Variants in LHFPL3 observed in about 807,000 individuals in gnomAD.
LHFPL3 encodes the protein LHFPL tetraspan subfamily member 3, also known as LHFPL tetraspan subfamily member 3 protein.
In LHFPL3, 5 loss-of-function variants were observed where a neutral mutation model predicts 19.3. The observed-to-expected ratio is 0.26, with a 90% CI of 0.14 to 0.54. LHFPL3 has a LOEUF of 0.54. Among genes scored for constraint, LHFPL3 ranks in the 20% least tolerant of loss-of-function variants. LHFPL3 has a pLI of 0.94. For missense variants in LHFPL3, 249 were observed against 307.4 expected (o/e 0.81, Z 1.42); for synonymous variants, 133 against 126.2 (o/e 1.05, Z -0.36).
intron 2 of LHFPL3, among the ~76,000 whole-genome samples, chr7:104,762,356 C>G (rs545644736): frequency 6.6e-6 from 1 of 152,214 alleles, no homozygotes; most frequent in Non-Finnish European, 1.5e-5. Context: ...AATGTCATGA[C>G]CAATGAAAGG....
chr7:104,745,147 A>T (rs1471004022), intron 2 of LHFPL3, among the ~76,000 whole-genome samples: 1 of 152,180 alleles, frequency 6.6e-6, no homozygotes, highest in African/African-American at 2.4e-5. Flanking sequence ...GTTGGCTGAC[A>T]CTTCCCAACT....
chr7:104,510,542 C>T (rs1793789370), intron 1 of LHFPL3, among the ~76,000 whole-genome samples: 1 of 152,094 alleles, frequency 6.6e-6, no homozygotes, highest in Non-Finnish European at 1.5e-5. Flanking sequence ...AAAATTTACT[C>T]AACATGGATT....
At chr7:104,839,112 G>C (rs1791150252) in intron 2 of LHFPL3, among the ~76,000 whole-genome samples, 1 of 152,194 alleles carries the variant, frequency 6.6e-6, no homozygotes, top group African/African-American at 2.4e-5. Context: ...GTGAGACACA[G>C]AACAGTGAGA....
intron 1 of LHFPL3, among the ~76,000 whole-genome samples, chr7:104,392,532 A>T (rs1170272935): frequency 6.6e-6 from 1 of 152,114 alleles, no homozygotes; most frequent in Non-Finnish European, 1.5e-5. Flanking sequence ...CCCAGGGATG[A>T]AGCCCACTTG....
intron 1 of LHFPL3, among the ~76,000 whole-genome samples, chr7:104,536,783 G>C (rs1205852682): frequency 6.6e-6 from 1 of 152,126 alleles, no homozygotes; most frequent in Non-Finnish European, 1.5e-5. Flanking sequence ...AATTAAGCTT[G>C]CATTTCCTTT....
At chr7:104,845,473 G>A (rs558042247) in intron 2 of LHFPL3, 172 of 1,524,800 alleles carry the variant, frequency 1.1e-4, no homozygotes, top group East Asian at 4.5e-4. Context: ...TGTTTTGTGC[G>A]CTTCTGCCTT....
chr7:104,421,142 A>G lies in LHFPL3; in HGVS notation c.445+91918A>G, dbSNP rs1791725803. Among the ~76,000 whole-genome samples, 3 of 152,258 alleles carry G rather than the reference A, an allele frequency of 2.0e-5. No homozygotes were observed. The South Asian group carries it at 6.2e-4, about 32-fold the overall frequency. On this transcript the variant is annotated intron_variant, in intron 1 of 2. Coordinates refer to ENST00000424859, the MANE Select transcript of LHFPL3 (RefSeq NM_199000.3). ...GGAAATACATACTCAATGAAGTAAGATCCTGGAGGTGTTGAGAAAGGATGA... is the reference window on the plus strand; with the variant it reads ...GGAAATACATACTCAATGAAGTAAGGTCCTGGAGGTGTTGAGAAAGGATGA...
intron 2 of LHFPL3, among the ~76,000 whole-genome samples, chr7:104,861,479 T>C (rs1791618128): frequency 6.6e-6 from 1 of 152,184 alleles, no homozygotes; most frequent in Non-Finnish European, 1.5e-5. Context: ...AGCAGCTATT[T>C]CCACAGCTAT....
At chr7:104,717,447 A>C (rs1223448711) in intron 1 of LHFPL3, among the ~76,000 whole-genome samples, 2 of 152,162 alleles carry the variant, frequency 1.3e-5, no homozygotes, top group African/African-American at 4.8e-5. Flanking sequence ...AGGATACCCT[A>C]CTACACAATA....
chr7:104,699,054 G>A (rs1350878406), intron 1 of LHFPL3, among the ~76,000 whole-genome samples: 9 of 152,188 alleles, frequency 5.9e-5, no homozygotes, highest in Non-Finnish European at 4.4e-5. Context: ...GTGTTGGCAA[G>A]GATGTGTAGA....
chr7:104,442,264 A>C (rs983889275), intron 1 of LHFPL3, among the ~76,000 whole-genome samples: 2 of 150,582 alleles, frequency 1.3e-5, no homozygotes, highest in Non-Finnish European at 1.5e-5. Context: ...TTGCTGCTGA[A>C]TTGTAGTGGT....
At chr7:104,543,047 C>CA (rs1794517751) in intron 1 of LHFPL3, among the ~76,000 whole-genome samples, 1 of 152,078 alleles carries the variant, frequency 6.6e-6, no homozygotes, top group South Asian at 2.1e-4. Context: ...CAAACTAACA[C>CA]AGGAACAGAA....
intron 1 of LHFPL3, among the ~76,000 whole-genome samples, chr7:104,731,005 C>G (rs1243543552): frequency 6.6e-6 from 1 of 152,196 alleles, no homozygotes; most frequent in Non-Finnish European, 1.5e-5. Context: ...AATAAGGAAT[C>G]CTTTCCCCAT....
At chr7:104,589,086 A>C (rs1177781645) in intron 1 of LHFPL3, among the ~76,000 whole-genome samples, 1 of 152,060 alleles carries the variant, frequency 6.6e-6, no homozygotes, top group Non-Finnish European at 1.5e-5. Flanking sequence ...CTCTTTTCCT[A>C]ATTGAATACC....
chr7:104,463,400 C>A (rs1473813986), intron 1 of LHFPL3, among the ~76,000 whole-genome samples: 1 of 152,168 alleles, frequency 6.6e-6, no homozygotes, highest in African/African-American at 2.4e-5. Flanking sequence ...CTTAACACTG[C>A]CTTAGCTGTA....
rs1044042046 is a variant in LHFPL3, at chr7:104,364,252, G to A, written c.445+35028G>A. Reference sequence around the variant, plus strand: ...ATAGGCAAAGTTTGATGAAATCACAGTGTGGTGAGGGTGGGGGGACTTGTT... The same window carrying A: ...ATAGGCAAAGTTTGATGAAATCACAATGTGGTGAGGGTGGGGGGACTTGTT... On this transcript the variant is annotated intron_variant, in intron 1 of 2. Transcript: ENST00000424859. Among the ~76,000 whole-genome samples, 3 of 152,338 alleles carry A rather than the reference G, an allele frequency of 2.0e-5. 1 individual carries two copies. The highest frequency in any genetic ancestry group is 7.2e-5 in the African/African-American group (3 of 41,584).
intron 1 of LHFPL3, among the ~76,000 whole-genome samples, chr7:104,667,264 T>TGTAG (rs56664847): frequency 6.8e-6 from 1 of 148,072 alleles, no homozygotes; most frequent in Non-Finnish European, 1.5e-5. Flanking sequence ...TCTGTTTTCT[T>TGTAG]GGGGGGGGGA....
intron 1 of LHFPL3, among the ~76,000 whole-genome samples, chr7:104,501,345 C>A (rs1421499935): frequency 6.6e-6 from 1 of 152,206 alleles, no homozygotes; most frequent in Non-Finnish European, 1.5e-5. Context: ...AGCCTCAAAA[C>A]CAGTCAACTG....
intron 1 of LHFPL3, among the ~76,000 whole-genome samples, chr7:104,398,954 G>C (rs1791253720): frequency 6.6e-6 from 1 of 152,152 alleles, no homozygotes; most frequent in Non-Finnish European, 1.5e-5. Flanking sequence ...GATGGTTGTA[G>C]ATTTGGAGGG....
Sources: allele counts gnomAD v4.1 joint callset (sites outside exome capture counted in the v4.1 genomes callset), GRCh38; gene constraint gnomAD v4.1.1; transcripts MANE v1.5; gene names NCBI Gene and HGNC (gene_info 2026-07-23, HGNC 2026-07-21).